The following MAPK10 variants were observed in gnomAD, a reference collection of about 807,000 sequenced individuals.
MAPK10 encodes the protein mitogen-activated protein kinase 10.
Under a neutral mutation model 59.3 loss-of-function variants are expected in MAPK10, and 25 were observed. The ratio of observed to expected loss-of-function variants is 0.42; its 90% CI spans 0.31 to 0.59. The LOEUF (loss-of-function observed/expected upper bound fraction) is 0.59. Ranked by LOEUF, MAPK10 falls within the 20% of genes least tolerant of loss-of-function variation. MAPK10 has a pLI of 0.15. For synonymous variants in MAPK10, 190 were observed against 200.5 expected (o/e 0.95, Z 0.44); for missense variants, 351 against 568.9 (o/e 0.62, Z 3.90).
intron 8 of MAPK10, chr4:86,099,744 A>C (rs1407451101): frequency 2.0e-5 from 3 of 151,570 alleles, no homozygotes; most frequent in African/African-American, 7.3e-5. Flanking sequence ...AGACCGCCCC[A>C]CCCCCCAGTC....
At chr4:86,568,996 A>G (rs1169562855) in intron 1 of MAPK10, among the ~76,000 whole-genome samples, 1 of 152,228 alleles carries the variant, frequency 6.6e-6, no homozygotes, top group African/African-American at 2.4e-5. Context: ...CAAACAATCA[A>G]CGCAGTAAAC....
chr4:86,185,254 G>A (rs10022904), intron 3 of MAPK10, among the ~76,000 whole-genome samples: 21,009 of 152,090 alleles, frequency 0.14, 1,488 homozygotes, highest in African/African-American at 0.16. Context: ...TATATAGAAC[G>A]TTAGATACTG....
At chr4:86,225,835 A>T (rs531380980) in intron 2 of MAPK10, among the ~76,000 whole-genome samples, 12 of 152,284 alleles carry the variant, frequency 7.9e-5, no homozygotes, top group African/African-American at 2.9e-4. Context: ...CTTTGATATT[A>T]ACTCTCTCTC....
In MAPK10 at chr4:86,103,073, C is replaced by CTGTG. The variant is rs1251474551; in HGVS notation, c.425+112_425+113insCACA. 1.5e-4 allele frequency: 47 copies of CTGTG among 303,480 alleles called. No homozygotes were observed. The East Asian group carries it at 2.7e-3, about 18-fold the overall frequency. The allele number at this position is 303,480 out of a possible 1,614,324, so 18.8% of individuals were successfully genotyped here. ...CTTTGAGCAGTATAAGGGATTTCAACTCTGTGTGTGTGTGTGTGTGTGTGT... is the reference window on the plus strand; with the variant it reads ...CTTTGAGCAGTATAAGGGATTTCAACTGTGTCTGTGTGTGTGTGTGTGTGTGTGT... On this transcript the variant is annotated intron_variant, in intron 6 of 13. Coordinates refer to ENST00000641462, the MANE Select transcript of MAPK10 (RefSeq NM_138982.4).
intron 1 of MAPK10, among the ~76,000 whole-genome samples, chr4:86,553,525 C>T (rs1760019564): frequency 6.6e-6 from 1 of 152,182 alleles, no homozygotes; most frequent in Non-Finnish European, 1.5e-5. Flanking sequence ...ATTCCTCCCA[C>T]CATTGCTTTT....
At chr4:86,329,738 T>C (rs2096109405) in intron 2 of MAPK10, among the ~76,000 whole-genome samples, 1 of 152,222 alleles carries the variant, frequency 6.6e-6, no homozygotes, top group Non-Finnish European at 1.5e-5. Context: ...CCTTATCCTC[T>C]AGTCTCCACC....
intron 1 of MAPK10, among the ~76,000 whole-genome samples, chr4:86,390,079 T>C (rs910665589): frequency 2.0e-5 from 3 of 152,250 alleles, no homozygotes; most frequent in Non-Finnish European, 4.4e-5. Context: ...CATCTGCCTC[T>C]TTCCTTTTCT....
chr4:86,366,289 T>C (rs532393654), intron 1 of MAPK10, among the ~76,000 whole-genome samples: 3 of 152,248 alleles, frequency 2.0e-5, no homozygotes, highest in South Asian at 2.1e-4. Context: ...GAAATTTCTA[T>C]AGTGATGAGA....
intron 11 of MAPK10, among the ~76,000 whole-genome samples, chr4:86,045,663 C>T (rs113311215): frequency 6.6e-6 from 1 of 151,912 alleles, no homozygotes; most frequent in Non-Finnish European, 1.5e-5. Context: ...ATGCATGGTA[C>T]ATGACAATGC....
intron 1 of MAPK10, among the ~76,000 whole-genome samples, chr4:86,377,182 G>T (rs1739952034): frequency 6.6e-6 from 1 of 152,290 alleles, no homozygotes; most frequent in African/African-American, 2.4e-5. Flanking sequence ...TGTCTCATCA[G>T]ATTAACACTA....
intron 1 of MAPK10, among the ~76,000 whole-genome samples, chr4:86,515,850 C>T (rs1013271508): frequency 1.2e-4 from 18 of 151,126 alleles, no homozygotes; most frequent in Non-Finnish European, 2.4e-4. Flanking sequence ...AATTAAGACA[C>T]ATCTATTTAT....
At chr4:86,444,762 T>C (rs548095289) in intron 1 of MAPK10, among the ~76,000 whole-genome samples, 1 of 147,878 alleles carries the variant, frequency 6.8e-6, no homozygotes, top group African/African-American at 2.5e-5. Flanking sequence ...GCAAAGGACA[T>C]GAACAGACAC....
chr4:86,048,530 T>G (rs2148954861), intron 11 of MAPK10, among the ~76,000 whole-genome samples: 1 of 152,230 alleles, frequency 6.6e-6, no homozygotes, highest in East Asian at 1.9e-4. Flanking sequence ...TAAAGCCACA[T>G]GTCATTTGCA....
At chr4:86,238,745 G>A (rs1172762614) in intron 2 of MAPK10, among the ~76,000 whole-genome samples, 1 of 152,068 alleles carries the variant, frequency 6.6e-6, no homozygotes, top group Non-Finnish European at 1.5e-5. Context: ...GAAGTTTTTG[G>A]GCTGAGATGA....
chr4:86,369,158 C>T (rs977388005), intron 1 of MAPK10, among the ~76,000 whole-genome samples: 1 of 152,170 alleles, frequency 6.6e-6, no homozygotes, highest in African/African-American at 2.4e-5. Context: ...TTCCTGCAAC[C>T]TTTAATGGGG....
intron 2 of MAPK10, among the ~76,000 whole-genome samples, chr4:86,318,244 G>A (rs927419254): frequency 1.3e-5 from 2 of 152,034 alleles, no homozygotes; most frequent in African/African-American, 4.8e-5. Context: ...CCTATTCAGG[G>A]TTGATTTTAT....
intron 1 of MAPK10, among the ~76,000 whole-genome samples, chr4:86,447,152 C>T (rs1054514306): frequency 6.6e-6 from 1 of 152,038 alleles, no homozygotes; most frequent in Non-Finnish European, 1.5e-5. Flanking sequence ...GAGAGAGGGA[C>T]CTGGTGGGAG....
chr4:86,091,789 T>A (rs2053239433), intron 9 of MAPK10, among the ~76,000 whole-genome samples: 1 of 151,964 alleles, frequency 6.6e-6, no homozygotes, highest in Non-Finnish European at 1.5e-5. Flanking sequence ...TTCTCTTGCA[T>A]CAGCCTCCCT....
intron 2 of MAPK10, among the ~76,000 whole-genome samples, chr4:86,284,618 A>T (rs1215616300): frequency 6.6e-6 from 1 of 152,246 alleles, no homozygotes; most frequent in East Asian, 1.9e-4. Flanking sequence ...TATTATAAAC[A>T]AGATCTAAAG....
Sources: gnomAD v4.1 joint callset for allele counts (sites outside exome capture counted in the v4.1 genomes callset) on GRCh38, gnomAD v4.1.1 for gene constraint, MANE v1.5 for transcripts, NCBI Gene and HGNC (gene_info 2026-07-23, HGNC 2026-07-21) for gene names.